GPAM: variants seen among roughly 807,000 people sequenced by gnomAD.
GPAM encodes glycerol-3-phosphate acyltransferase 1, mitochondrial.
In GPAM, 56 loss-of-function variants were observed where a neutral mutation model predicts 105.0. The ratio of observed to expected loss-of-function variants is 0.53; its 90% CI spans 0.43 to 0.67. GPAM has a LOEUF of 0.67. Ranked by LOEUF, GPAM falls within the 30% of genes least tolerant of loss-of-function variation. The probability of loss-of-function intolerance (pLI) is 0.00; values close to 1 mark genes in which losing one functional copy is unlikely to be tolerated. For missense variants in GPAM, 855 were observed against 989.8 expected, an observed-to-expected ratio of 0.86 and a Z score of 1.83; for synonymous variants, 368 against 354.4, an observed-to-expected ratio of 1.04 and a Z score of -0.43.
At chr10:112,211,769 A>C (rs1847913885) in intron 1 of GPAM, among the ~76,000 whole-genome samples, 1 of 152,194 alleles carries the variant, frequency 6.6e-6, no homozygotes, top group Admixed American at 6.5e-5. Context: ...AAAGTATTAC[A>C]CCCATTTTAC....
chr10:112,224,762 C>T, the GPAM span, among the ~76,000 whole-genome samples: 2 of 151,922 alleles, frequency 1.3e-5, no homozygotes, highest in African/African-American at 4.8e-5. Flanking sequence ...ATCCAAAGAC[C>T]CTTATGAATA....
chr10:112,174,100 G>GGGTGACAACTA (rs1847361519), intron 6 of GPAM, among the ~76,000 whole-genome samples: 3 of 50,886 alleles, frequency 5.9e-5, no homozygotes, highest in Middle Eastern at 8.5e-3. Flanking sequence ...CAAATTTACT[G>GGGTGACAACTA]GGTGAATTTG....
At chr10:112,212,448 A>G (rs889346470) in intron 1 of GPAM, among the ~76,000 whole-genome samples, 1 of 152,080 alleles carries the variant, frequency 6.6e-6, no homozygotes, top group African/African-American at 2.4e-5. Context: ...TATTTTCAGT[A>G]GAGACGGGAT....
chr10:112,216,139 C>T (rs990134063), upstream of GPAM, among the ~76,000 whole-genome samples: 1 of 152,176 alleles, frequency 6.6e-6, no homozygotes, highest in Non-Finnish European at 1.5e-5. Flanking sequence ...CTCTGAGGCT[C>T]TTACAGGCCC....
intron 1 of GPAM, among the ~76,000 whole-genome samples, chr10:112,200,246 G>T (rs12414669): frequency 0.31 from 30,266 of 98,078 alleles, 3,949 homozygotes; most frequent in Middle Eastern, 0.41. Flanking sequence ...TATATATATA[G>T]AGAGAGAGAG....
intron 5 of GPAM, among the ~76,000 whole-genome samples, chr10:112,177,082 A>T (rs1052578621): frequency 6.6e-6 from 1 of 152,128 alleles, no homozygotes; most frequent in African/African-American, 2.4e-5. Flanking sequence ...TCTTTTTTAA[A>T]TTTAAATTTA....
At chr10:112,206,506 C>T (rs994094835) in intron 1 of GPAM, among the ~76,000 whole-genome samples, 2 of 117,022 alleles carry the variant, frequency 1.7e-5, no homozygotes, top group African/African-American at 7.7e-5. Context: ...ATGATAAGTT[C>T]ATGTCCTTTG....
At chr10:112,159,699 T>C (rs1203897579) in intron 17 of GPAM, among the ~76,000 whole-genome samples, 4 of 152,186 alleles carry the variant, frequency 2.6e-5, no homozygotes, top group African/African-American at 4.8e-5. Context: ...TCATGGCTCA[T>C]AGCTGCAGGA....
At chr10:112,155,061 C>A in intron 20 of GPAM, 1 of 293,584 alleles carries the variant, frequency 3.4e-6, no homozygotes, top group Non-Finnish European at 6.5e-6. Context: ...CAGTGGTACA[C>A]AGATGATTGT....
chr10:112,193,504 G>A (rs1380960164), intron 1 of GPAM, among the ~76,000 whole-genome samples: 3 of 152,208 alleles, frequency 2.0e-5, no homozygotes, highest in Non-Finnish European at 4.4e-5. Flanking sequence ...AGGGCAAACA[G>A]GCAGATGATG....
At chr10:112,204,092 A>G (rs575897379) in intron 1 of GPAM, among the ~76,000 whole-genome samples, 1 of 152,288 alleles carries the variant, frequency 6.6e-6, no homozygotes, top group South Asian at 2.1e-4. Context: ...TTGAGACACT[A>G]AGAACCCGTG....
In GPAM at chr10:112,180,557, T is replaced by C; in HGVS notation, c.141A>G (p.Ala47=). ...TTAGGCTTTCTTTCCATTTTAAAGT[T>C]GCAGATCTGAAGATGGTGGGTCTAA... is the stretch of plus-strand genomic sequence containing the variant. ...CGFRPTIFRS[A]TLKWKESLMS... The change falls in exon 4 of 22, where the codon GCA becomes GCG. Residue 47 remains alanine (A), a synonymous_variant. Transcript: ENST00000348367. The C allele has an allele frequency of 6.2e-7, 1 of 1,612,254 alleles. No individual in the cohort carries two copies. The highest frequency in any genetic ancestry group is 8.5e-7 in the Non-Finnish European group (1 of 1,178,314).
chr10:112,219,731 A>T (rs1848001810), upstream of GPAM, among the ~76,000 whole-genome samples: 2 of 152,168 alleles, frequency 1.3e-5, no homozygotes, highest in African/African-American at 4.8e-5. Flanking sequence ...CCTTTGCAAA[A>T]ATTATATAAC....
At chr10:112,156,098 G>C in intron 19 of GPAM, 45 bp from the exon 20 acceptor site, 1 of 1,364,880 alleles carries the variant, frequency 7.3e-7, no homozygotes, top group Non-Finnish European at 1.0e-6. Flanking sequence ...GAAGGGACAA[G>C]AGACACAAGG....
chr10:112,193,117 C>A (rs1478030397), intron 1 of GPAM, among the ~76,000 whole-genome samples: 1 of 152,162 alleles, frequency 6.6e-6, no homozygotes, highest in Non-Finnish European at 1.5e-5. Context: ...GACTTTAATA[C>A]AGAAAACTAC....
At chr10:112,153,736 G>A (rs1274518687) in intron 21 of GPAM, 70 bp from the exon 22 acceptor site, 5 of 1,556,410 alleles carry the variant, frequency 3.2e-6, no homozygotes, top group Admixed American at 3.6e-5. Flanking sequence ...TTACCAACCT[G>A]ACCTGTGGTG....
chr10:112,217,969 C>A (rs1045577925), upstream of GPAM, among the ~76,000 whole-genome samples: 1 of 152,174 alleles, frequency 6.6e-6, no homozygotes, highest in Non-Finnish European at 1.5e-5. Flanking sequence ...GAGAAAATGG[C>A]AATGAGGTCA....
At chr10:112,191,783 G>A (rs1173397220) in intron 1 of GPAM, among the ~76,000 whole-genome samples, 1 of 152,180 alleles carries the variant, frequency 6.6e-6, no homozygotes, top group Non-Finnish European at 1.5e-5. Flanking sequence ...CAAGAAAAGA[G>A]TGGAGGCCAG....
At chr10:112,218,583 G>A (rs1005933451), upstream of GPAM, among the ~76,000 whole-genome samples, 2 of 152,198 alleles carry the variant, frequency 1.3e-5, no homozygotes, top group Non-Finnish European at 2.9e-5. Context: ...TCCACAGAGT[G>A]AAGTGAAAGC....
Sources: allele counts gnomAD v4.1 joint callset (sites outside exome capture counted in the v4.1 genomes callset), GRCh38; gene constraint gnomAD v4.1.1; transcripts MANE v1.5; gene names NCBI Gene and HGNC (gene_info 2026-07-23, HGNC 2026-07-21).